PRKN: variants seen among roughly 807,000 people sequenced by gnomAD.
PRKN encodes E3 ubiquitin-protein ligase parkin.
A neutral mutation model predicts 59.5 loss-of-function variants in PRKN; 56 were observed. The ratio of observed to expected loss-of-function variants is 0.94; its 90% CI spans 0.76 to 1.18. PRKN has a LOEUF of 1.18. Among genes scored for constraint, PRKN ranks in the 50% most tolerant of loss-of-function variants. PRKN has a pLI of 0.00. For missense variants in PRKN, 657 were observed against 596.4 expected, an observed-to-expected ratio of 1.10 and a Z score of -1.06; for synonymous variants, 250 against 222.1, an observed-to-expected ratio of 1.13 and a Z score of -1.12.
intron 2 of PRKN, among the ~76,000 whole-genome samples, chr6:162,284,141 A>T (rs1781058181): frequency 6.6e-6 from 1 of 150,670 alleles, no homozygotes; most frequent in Admixed American, 6.6e-5. Context: ...TGGGCCCAGG[A>T]TCCACTAATG....
chr6:161,836,961 G>A (rs1210103682), intron 6 of PRKN, among the ~76,000 whole-genome samples: 1 of 152,150 alleles, frequency 6.6e-6, no homozygotes, highest in East Asian at 1.9e-4. Flanking sequence ...GCAAGAGGGG[G>A]TTTTATGCCT....
chr6:162,403,341 T>G (rs530327642), intron 2 of PRKN, among the ~76,000 whole-genome samples: 1 of 152,202 alleles, frequency 6.6e-6, no homozygotes, highest in South Asian at 2.1e-4. Context: ...TGTGCCTCAC[T>G]CCCTCACCCG....
At position 161,738,281 on chromosome 6, in the gene PRKN, G is replaced by A. The variant is rs80196832; in HGVS notation, c.871+47491C>T. Among the ~76,000 whole-genome samples the A allele has an allele frequency of 4.0e-3, 615 of 152,220 alleles. 7 individuals are homozygous for A. The highest frequency in any genetic ancestry group is 0.014 in the African/African-American group (579 of 41,548). On this transcript the variant is annotated intron_variant, in intron 7 of 11. Transcript: ENST00000366898. ...CCAGGGGAAAACACCTTTGTCACTC[G>A]AAGGTGTATTCAAGCCAACAGACGA...
rs1790172416 is a variant in PRKN at position 161,460,727 on chromosome 6, T to A, written c.1084-73850A>T. On this transcript the variant is annotated intron_variant, in intron 9 of 11. Coordinates refer to ENST00000366898, the MANE Select transcript of PRKN (RefSeq NM_004562.3). The surrounding 1 kb of genome is among the most constrained non-coding windows in gnomAD (Gnocchi z 5.0). ...TCATTTACAGTCCTGCCTGTCAAGA[T>A]CCCACACACCAACCAAGAGTTATCT... Among the ~76,000 whole-genome samples the A allele has an allele frequency of 6.6e-6, 1 of 151,272 alleles. No individual in the cohort carries two copies.
At chr6:161,375,089 C>T (rs1187878813) in intron 10 of PRKN, among the ~76,000 whole-genome samples, 1 of 151,322 alleles carries the variant, frequency 6.6e-6, no homozygotes, top group Non-Finnish European at 1.5e-5. Context: ...CTCAGGGGAC[C>T]CGCAGGCCGT....
At chr6:162,010,304 T>A (rs1256356085) in intron 5 of PRKN, among the ~76,000 whole-genome samples, 11 of 127,260 alleles carry the variant, frequency 8.6e-5, no homozygotes, top group East Asian at 2.1e-4. Context: ...ATATATTTAT[T>A]ATATATATTT....
At chr6:162,380,473 G>GTGTATA (rs371241696) in intron 2 of PRKN, among the ~76,000 whole-genome samples, 447 of 38,880 alleles carry the variant, frequency 0.011, 10 homozygotes, top group African/African-American at 0.028. Context: ...ATATATGTGT[G>GTGTATA]TATATATATG....
intron 7 of PRKN, among the ~76,000 whole-genome samples, chr6:161,689,644 C>A (rs1199552823): frequency 6.6e-6 from 1 of 152,238 alleles, no homozygotes; most frequent in Middle Eastern, 3.4e-3. Flanking sequence ...TAGACATAAA[C>A]AGTTTTCACG....
chr6:162,727,418 C>G, intron 1 of PRKN: 2 of 479,922 alleles, frequency 4.2e-6, no homozygotes, highest in Non-Finnish European at 7.3e-6. Flanking sequence ...CCCGTCGAGG[C>G]GGTCTTCATG....
At chr6:161,866,053 A>G (rs1794098790) in intron 6 of PRKN, among the ~76,000 whole-genome samples, 1 of 152,104 alleles carries the variant, frequency 6.6e-6, no homozygotes. Context: ...TCTTATTTCA[A>G]TATTGTTGTA....
At chr6:162,349,308 A>G (rs1449072368) in intron 2 of PRKN, among the ~76,000 whole-genome samples, 1 of 152,126 alleles carries the variant, frequency 6.6e-6, no homozygotes, top group Non-Finnish European at 1.5e-5. Flanking sequence ...TCTACTAAAA[A>G]TACAAAAATT....
chr6:161,763,650 A>G (rs1448155702), intron 7 of PRKN, among the ~76,000 whole-genome samples: 1 of 152,032 alleles, frequency 6.6e-6, no homozygotes. Context: ...AGGGTCATTT[A>G]CAGAACTTCA....
At chr6:162,547,309 T>C (rs1168540101) in intron 1 of PRKN, among the ~76,000 whole-genome samples, 1 of 152,212 alleles carries the variant, frequency 6.6e-6, no homozygotes, top group Non-Finnish European at 1.5e-5. Flanking sequence ...TTAGTTACAC[T>C]AGCAGCATTT....
In PRKN at chr6:162,682,105, T is replaced by C. The variant is rs112683177; in HGVS notation, c.7+45557A>G. On this transcript the variant is annotated intron_variant, in intron 1 of 11. Coordinates refer to ENST00000366898, the MANE Select transcript of PRKN (RefSeq NM_004562.3). ...CCTTTGACTCAGTAAATTTTATTTATCTGAATCTACCAGAGATTTTCAAAA... is the reference window on the plus strand; with the variant it reads ...CCTTTGACTCAGTAAATTTTATTTACCTGAATCTACCAGAGATTTTCAAAA... Among the ~76,000 whole-genome samples, 789 of 152,248 alleles carry C rather than the reference T, an allele frequency of 5.2e-3. 7 individuals are homozygous for C. The highest frequency in any genetic ancestry group is 0.017 in the African/African-American group (721 of 41,568).
chr6:161,735,798 C>A (rs1787939863), intron 7 of PRKN, among the ~76,000 whole-genome samples: 1 of 151,954 alleles, frequency 6.6e-6, no homozygotes. Context: ...GCCTGTAGTC[C>A]CAGCTACTCG....
intron 5 of PRKN, among the ~76,000 whole-genome samples, chr6:162,017,699 C>T (rs1229859645): frequency 6.6e-6 from 1 of 152,244 alleles, no homozygotes; most frequent in East Asian, 1.9e-4. Context: ...TTCTCCATTA[C>T]AGTAAAAGAT....
At chr6:161,992,971 A>G (rs1781707407) in intron 5 of PRKN, among the ~76,000 whole-genome samples, 1 of 152,150 alleles carries the variant, frequency 6.6e-6, no homozygotes, top group South Asian at 2.1e-4. Flanking sequence ...CTAAGAGAAA[A>G]GTTTATAGCA....
At chr6:162,459,524 C>T (rs1368380778) in intron 1 of PRKN, among the ~76,000 whole-genome samples, 2 of 152,112 alleles carry the variant, frequency 1.3e-5, no homozygotes, top group African/African-American at 4.8e-5. Context: ...CATTTACGAG[C>T]GTATTTTTAA....
At chr6:162,024,050 T>A (rs1000523461) in intron 5 of PRKN, among the ~76,000 whole-genome samples, 5 of 152,126 alleles carry the variant, frequency 3.3e-5, no homozygotes, top group Non-Finnish European at 7.4e-5. Flanking sequence ...GGTATATTGA[T>A]AGGAATGACA....
Sources: allele counts gnomAD v4.1 joint callset (sites outside exome capture counted in the v4.1 genomes callset), GRCh38; gene constraint gnomAD v4.1.1; non-coding constraint Gnocchi (gnomAD v3.1); transcripts MANE v1.5; gene names NCBI Gene and HGNC (gene_info 2026-07-23, HGNC 2026-07-21).